The following MTSS2 variants were observed in gnomAD, a reference collection of about 807,000 sequenced individuals.
MTSS2 encodes MTSS I-BAR domain containing 2, also known as protein MTSS 2.
In MTSS2, 27 loss-of-function variants were observed where a neutral mutation model predicts 67.1. The ratio of observed to expected loss-of-function variants is 0.40; its 90% CI spans 0.30 to 0.55. MTSS2 has a LOEUF of 0.55. Ranked by LOEUF, MTSS2 falls within the 20% of genes least tolerant of loss-of-function variation. The pLI is 0.43. For missense variants in MTSS2, 1,171 were observed against 1,067.8 expected (o/e 1.10, Z -1.35); for synonymous variants, 624 against 468.6 (o/e 1.33, Z -4.28).
chr16:70,678,026 CT>C, intron 8 of MTSS2, 127 bp from the exon 9 acceptor site: 1 of 981,628 alleles, frequency 1.0e-6, no homozygotes, highest in African/African-American at 1.6e-5. Context: ...ACCAATGCTG[CT>C]CGGGGCTGGT....
chr16:70,670,022 G>T (rs1157697579), intron 11 of MTSS2, among the ~76,000 whole-genome samples: 2 of 152,080 alleles, frequency 1.3e-5, no homozygotes, highest in East Asian at 3.9e-4. Flanking sequence ...TGTAATCCCA[G>T]TACTTTGGGA....
Position 70,664,847 on chromosome 16 carries a change from A to G in MTSS2, c.1305+73T>C, listed in dbSNP as rs773452152. On this transcript the variant is annotated intron_variant, in intron 13 of 14. Transcript: ENST00000338779. Reference sequence around the variant, plus strand: ...CCAGGCAGCCCTGCCAGGTGGTTGGAGCCGGCCCTGAGGCCACTGGCTGGG... The same window carrying G: ...CCAGGCAGCCCTGCCAGGTGGTTGGGGCCGGCCCTGAGGCCACTGGCTGGG... The G allele has an allele frequency of 3.3e-6, 5 of 1,517,106 alleles. No individual in the cohort carries two copies. The African/African-American group carries it at 6.9e-5, about 21-fold the overall frequency. 94.0% of individuals were successfully genotyped at this position (1,517,106 alleles called of 1,614,324 possible). A position where few individuals can be genotyped will look rare whatever the true frequency, so the allele number is the denominator to read the frequency against.
rs755586639 is a variant in MTSS2, at chr16:70,680,907, G to GT, written c.132-41_132-40insA. On this transcript the variant is annotated intron_variant, in intron 2 of 14. Transcript: ENST00000338779. ...AACGGCATGGATGGTCGGTGGTTGG[G>GT]CGGGGGGGGGGCCTCTGCCTGCCCC... 2.6e-6 allele frequency: 4 copies of GT among 1,538,972 alleles called. No individual in the cohort carries two copies. In the African/African-American group the frequency reaches 4.2e-5, roughly 16 times the overall value.
At chr16:70,676,713 G>C (rs1373728996) in intron 10 of MTSS2, among the ~76,000 whole-genome samples, 168 bp downstream of exon 10, 1 of 152,190 alleles carries the variant, frequency 6.6e-6, no homozygotes, top group Non-Finnish European at 1.5e-5. Context: ...TAGCAGTCTT[G>C]GGATGACAGG....
In MTSS2 at chr16:70,662,201, A is replaced by AATC. The variant is rs1567476242; in HGVS notation, c.*1473_*1475dup. 6.6e-6 allele frequency: 1 copy of AATC among 151,842 alleles called. No individual in the cohort carries two copies. The highest frequency in any genetic ancestry group is 2.4e-5 in the African/African-American group (1 of 41,326). The allele number at this position is 151,842 out of a possible 1,614,324, so 9.4% of individuals were successfully genotyped here. A position where few individuals can be genotyped will look rare whatever the true frequency, so the allele number is the denominator to read the frequency against. On this transcript the variant is annotated 3_prime_UTR_variant, in exon 15 of 15. Transcript: ENST00000338779. ...CCCAGCTCCATTCTATCAATCAATC[A>AATC]ATCAATCATCAAGACCAAGGTGCTC...
At chr16:70,674,870 TGGG>T (rs2053064561) in intron 10 of MTSS2, among the ~76,000 whole-genome samples, 1 of 152,136 alleles carries the variant, frequency 6.6e-6, no homozygotes, top group African/African-American at 2.4e-5. Context: ...CCCAGAACTT[TGGG>T]AGACCAAGGC....
Position 70,685,236 on chromosome 16 carries a change from G to A in MTSS2, c.69+487C>T, listed in dbSNP as rs189003370. ...GCGGGGCTGGGGGACGCAGTCTCAC[G>A]GTCGGGTGCAGAGGCCTAGGTCGGC... On this transcript the variant is annotated intron_variant, in intron 1 of 14. Transcript: ENST00000338779. Among the ~76,000 whole-genome samples, 84 of 152,298 alleles carry A rather than the reference G, an allele frequency of 5.5e-4. 2 individuals are homozygous for A. The East Asian group carries it at 0.015, about 28-fold the overall frequency.
intron 1 of MTSS2, among the ~76,000 whole-genome samples, chr16:70,682,025 G>A (rs1386381291): frequency 1.3e-5 from 2 of 152,196 alleles, no homozygotes; most frequent in African/African-American, 2.4e-5. Flanking sequence ...CGGAGACCCT[G>A]GCCCTCAGGG....
chr16:70,670,227 C>T (rs1597807310), intron 11 of MTSS2, among the ~76,000 whole-genome samples: 2 of 150,772 alleles, frequency 1.3e-5, no homozygotes, highest in Admixed American at 6.6e-5. Context: ...GCTGAAATTG[C>T]ACCACTGCAC....
At chr16:70,676,480 G>A (rs867248893) in intron 10 of MTSS2, among the ~76,000 whole-genome samples, 1 of 152,234 alleles carries the variant, frequency 6.6e-6, no homozygotes, top group Non-Finnish European at 1.5e-5. Context: ...ACCCCACACG[G>A]TGCTAGGCCT....
intron 1 of MTSS2, among the ~76,000 whole-genome samples, chr16:70,684,322 G>C (rs937652500): frequency 6.7e-6 from 1 of 150,190 alleles, no homozygotes; most frequent in African/African-American, 2.4e-5. Flanking sequence ...GAGGGGCCCA[G>C]ATGTACAGTT....
chr16:70,668,833 T>TC (rs1442238880), intron 11 of MTSS2, among the ~76,000 whole-genome samples: 1 of 152,222 alleles, frequency 6.6e-6, no homozygotes. Flanking sequence ...GGTGTCTTGA[T>TC]CCTGGCCTTC....
chr16:70,668,820 G>T (rs1030565770), intron 11 of MTSS2, among the ~76,000 whole-genome samples: 1 of 152,210 alleles, frequency 6.6e-6, no homozygotes, highest in Non-Finnish European at 1.5e-5. Context: ...CACCGAATCT[G>T]CTGGTGTCTT....
chr16:70,665,070 C>T lies in MTSS2; in HGVS notation c.1155G>A (p.Glu385=). 6.3e-7 allele frequency: 1 copy of T among 1,597,536 alleles called. No individual in the cohort carries two copies. The part of the protein sequence containing the change: ...TSDWSKVGSH[E]QPSGATLQRR... ...GCTGCAGAGTGGCGCCTGAGGGCTG[C>T]TCATGGGAGCCGACCTTGGACCAGT... Residue 385 remains glutamate, a synonymous_variant, in exon 13 of 15, where the codon GAG becomes GAA. Transcript: ENST00000338779.
In MTSS2 at chr16:70,674,419, C is replaced by T. The variant is rs766848780; in HGVS notation, c.940G>A (p.Ala314Thr). Residue 314 changes from alanine to threonine, a missense_variant, in exon 11 of 15, where the codon GCC becomes ACC. Ala to Thr is a moderately conservative substitution (Grantham distance 58). Around this residue, in one of 2 missense-constraint regions of MTSS2, gnomAD observed 924 missense variants for 756.0 expected, o/e 1.22. Transcript: ENST00000338779. ...TCRYRSLAQP[A>T]TTTARLSSVS... ...CTGGAGAGGCGAGCGGTGGTGGTGGCTGGCTGCGCCAGGCTGCGGTAGCGA... is the reference window on the plus strand; with the variant it reads ...CTGGAGAGGCGAGCGGTGGTGGTGGTTGGCTGCGCCAGGCTGCGGTAGCGA... 41 of 1,614,056 alleles carry T rather than the reference C, an allele frequency of 2.5e-5. No homozygotes were observed. Among genetic ancestry groups the T allele is most frequent in the Admixed American group, 1.0e-4 (6 of 60,010 alleles).
chr16:70,666,340 C>G (rs1247833560), intron 11 of MTSS2, among the ~76,000 whole-genome samples: 1 of 152,164 alleles, frequency 6.6e-6, no homozygotes, highest in Non-Finnish European at 1.5e-5. Context: ...AGGGACACAC[C>G]TGCTCTGGGC....
chr16:70,663,790 G>A lies in MTSS2; in HGVS notation c.2131C>T (p.Pro711Ser), dbSNP rs1185620747. 6.6e-7 allele frequency: 1 copy of A among 1,520,980 alleles called. No individual in the cohort carries two copies. The highest frequency in any genetic ancestry group is 8.8e-7 in the Non-Finnish European group (1 of 1,135,778). 94.2% of individuals were successfully genotyped at this position (1,520,980 alleles called of 1,614,324 possible). Reference protein sequence around the residue: ...ATPTEETPTPPPAATSDPPAE... With the variant: ...ATPTEETPTPSPAATSDPPAE... ...GGGGGGTCGCTGGTGGCGGCTGGGGGTGGGGTGGGCGTCTCCTCCGTGGGG... is the reference window on the plus strand; with the variant it reads ...GGGGGGTCGCTGGTGGCGGCTGGGGATGGGGTGGGCGTCTCCTCCGTGGGG... Residue 711 changes from proline to serine, a missense_variant, in exon 15 of 15, where the codon CCC (proline) becomes TCC (serine). Around this residue, in one of 2 missense-constraint regions of MTSS2, gnomAD observed 924 missense variants for 756.0 expected, o/e 1.22. Coordinates refer to ENST00000338779, the MANE Select transcript of MTSS2 (RefSeq NM_138383.3).
chr16:70,674,207 GTAGTCTCAACAGCTATA>G, intron 11 of MTSS2, 82 bp downstream of exon 11: 2 of 180,788 alleles, frequency 1.1e-5, no homozygotes, highest in Non-Finnish European at 9.1e-6. Context: ...AACAGCTATA[GTAGTCTCAACAGCTATA>G]GTAGTCCCGC....
chr16:70,672,068 C>A (rs2052955420), intron 11 of MTSS2, among the ~76,000 whole-genome samples: 1 of 152,162 alleles, frequency 6.6e-6, no homozygotes. Flanking sequence ...AGGGTCCTAG[C>A]CAGGGGCAGT....
Sources: allele counts gnomAD v4.1 joint callset (sites outside exome capture counted in the v4.1 genomes callset), GRCh38; gene constraint gnomAD v4.1.1; regional missense constraint gnomAD v4.1.1; transcripts MANE v1.5; gene names NCBI Gene and HGNC (gene_info 2026-07-23, HGNC 2026-07-21).